RNF146: variants seen among roughly 807,000 people sequenced by gnomAD.
RNF146 encodes the protein E3 ubiquitin-protein ligase RNF146.
RNF146 carries 11 observed loss-of-function variants against 29.7 expected under a neutral mutation model. That is an observed-to-expected ratio of 0.37 (90% confidence interval 0.23 to 0.61). The LOEUF (loss-of-function observed/expected upper bound fraction) is 0.61. Among genes scored for constraint, RNF146 ranks in the 20% least tolerant of loss-of-function variants. The pLI, the probability that RNF146 is intolerant of heterozygous loss-of-function variation, is 0.66. For missense variants in RNF146, 342 were observed against 438.9 expected, an observed-to-expected ratio of 0.78 and a Z score of 1.97; for synonymous variants, 150 against 159.7, an observed-to-expected ratio of 0.94 and a Z score of 0.46.
intron 1 of RNF146, among the ~76,000 whole-genome samples, chr6:127,277,504 G>T (rs1438578857): frequency 6.6e-6 from 1 of 151,970 alleles, no homozygotes; most frequent in Non-Finnish European, 1.5e-5. Flanking sequence ...ATATATATGA[G>T]TTTATTAAGT....
chr6:127,276,639 G>A (rs1160437308), intron 1 of RNF146, among the ~76,000 whole-genome samples: 2 of 152,012 alleles, frequency 1.3e-5, no homozygotes, highest in Non-Finnish European at 2.9e-5. Flanking sequence ...AGAGATGGTA[G>A]GTCCCCATGA....
chr6:127,272,337 G>A (rs1385400122), intron 1 of RNF146, among the ~76,000 whole-genome samples: 1 of 152,180 alleles, frequency 6.6e-6, no homozygotes, highest in East Asian at 1.9e-4. Context: ...AGTGCTGATA[G>A]TACTAGTTGG....
intron 1 of RNF146, among the ~76,000 whole-genome samples, chr6:127,279,687 T>C (rs2114479145): frequency 6.6e-6 from 1 of 151,992 alleles, no homozygotes; most frequent in East Asian, 1.9e-4. Flanking sequence ...GGTAGTATTG[T>C]CATTTTAATA....
intron 1 of RNF146, among the ~76,000 whole-genome samples, chr6:127,272,004 A>G (rs1777567676): frequency 6.6e-6 from 1 of 152,182 alleles, no homozygotes; most frequent in Non-Finnish European, 1.5e-5. Context: ...CGTGGCTTGC[A>G]TCATATTTCT....
At chr6:127,283,457 C>T (rs539389762) in intron 2 of RNF146, among the ~76,000 whole-genome samples, 54 of 151,852 alleles carry the variant, frequency 3.6e-4, no homozygotes, top group Non-Finnish European at 5.5e-4. Flanking sequence ...TTCTTATTTA[C>T]ATATTGGTAT....
chr6:127,286,164 ACT>A lies in RNF146; in HGVS notation c.3-449_3-448del. 1 of 1,230,726 alleles carries A rather than the reference ACT, an allele frequency of 8.1e-7. No individual in the cohort carries two copies. The highest frequency in any genetic ancestry group is 3.2e-5 in the East Asian group (1 of 31,578). The allele number at this position is 1,230,726 out of a possible 1,614,324, so 76.2% of individuals were successfully genotyped here. A position where few individuals can be genotyped will look rare whatever the true frequency, so the allele number is the denominator to read the frequency against. ...GTCCATTTTTACCTGAGCTTTGTAA[ACT>A]CTGATTTGCAGGTAAGGAAATTTAG... On this transcript the variant is annotated intron_variant, in intron 2 of 2. Coordinates refer to ENST00000368314, the MANE Select transcript of RNF146 (RefSeq NM_001242850.2). The surrounding 1 kb of genome is among the most constrained non-coding windows in gnomAD (Gnocchi z 4.6).
At chr6:127,273,898 TAACTG>T (rs1424183053) in intron 1 of RNF146, among the ~76,000 whole-genome samples, 8 of 152,134 alleles carry the variant, frequency 5.3e-5, no homozygotes, top group Non-Finnish European at 8.8e-5. Context: ...CTGCTGAACA[TAACTG>T]GACTAGAGGA....
rs751849804 is a variant in RNF146, at chr6:127,288,520, T to C, written c.*827T>C. 5 of 166,836 alleles carry C rather than the reference T, an allele frequency of 3.0e-5. No homozygotes were observed. Among genetic ancestry groups the C allele is most frequent in the Non-Finnish European group, 5.9e-5 (4 of 68,030 alleles). The allele number at this position is 166,836 out of a possible 1,614,324, so 10.3% of individuals were successfully genotyped here. Reference sequence around the variant, plus strand: ...TTTCTTAGAGATTATTTAAACAGAATCTATAGGCAGTGTGTATATAATAAA... The same window carrying C: ...TTTCTTAGAGATTATTTAAACAGAACCTATAGGCAGTGTGTATATAATAAA... On this transcript the variant is annotated 3_prime_UTR_variant, in exon 3 of 3. Coordinates refer to ENST00000368314, the MANE Select transcript of RNF146 (RefSeq NM_001242850.2).
At chr6:127,267,556 A>G (rs1451059625) in intron 1 of RNF146, among the ~76,000 whole-genome samples, 1 of 151,564 alleles carries the variant, frequency 6.6e-6, no homozygotes, top group Admixed American at 6.6e-5. Context: ...CTTTTCCCGG[A>G]GTGTCTCTGG....
In RNF146 at chr6:127,280,353, T is replaced by A. The variant is rs972229028; in HGVS notation, c.2+13T>A. The A allele has an allele frequency of 1.3e-6, 2 of 1,546,990 alleles. No homozygotes were observed. Among genetic ancestry groups the A allele is most frequent in the Admixed American group, 2.0e-5 (1 of 50,894 alleles). On this transcript the variant is annotated intron_variant, in intron 2 of 2. Transcript: ENST00000368314. ...CTGTAATAGAAATGTAAGTGTAGCA[T>A]CATGGTTTTTTTCAGTGCTGCAGTA...
chr6:127,284,454 T>C (rs1779266618), intron 2 of RNF146, among the ~76,000 whole-genome samples: 1 of 151,824 alleles, frequency 6.6e-6, no homozygotes, highest in Admixed American at 6.6e-5. Flanking sequence ...CACTTTCTTG[T>C]TTTCTTTTTC....
chr6:127,287,634 G>T lies in RNF146; in HGVS notation c.1021G>T (p.Val341Leu). 6.2e-7 allele frequency: 1 copy of T among 1,610,608 alleles called. No individual in the cohort carries two copies. Among genetic ancestry groups the T allele is most frequent in the Non-Finnish European group, 8.5e-7 (1 of 1,177,812 alleles). ...TDRSVAGGGT[V>L]SVSVRSRRPD... ...TCGATCAGTAGCAGGGGGTGGAACAGTGAGTGTCAGTGTCAGATCTAGAAG... is the reference window on the plus strand; with the variant it reads ...TCGATCAGTAGCAGGGGGTGGAACATTGAGTGTCAGTGTCAGATCTAGAAG... The change falls in exon 3 of 3, where the codon GTG (valine) becomes TTG (leucine). Residue 341 changes from valine to leucine, a missense_variant. By Grantham distance (32) the Val-to-Leu change is conservative. Coordinates refer to ENST00000368314, the MANE Select transcript of RNF146 (RefSeq NM_001242850.2).
At chr6:127,283,080 A>G (rs1779108841) in intron 2 of RNF146, among the ~76,000 whole-genome samples, 1 of 151,886 alleles carries the variant, frequency 6.6e-6, no homozygotes. Context: ...GATTTCCACT[A>G]ACTCTGCCCA....
rs1376804058 is a variant in RNF146 at position 127,286,766 on chromosome 6, C to G, written c.153C>G (p.Pro51=). 1 of 1,613,226 alleles carries G rather than the reference C, an allele frequency of 6.2e-7. No individual in the cohort carries two copies. The highest frequency in any genetic ancestry group is 8.5e-7 in the Non-Finnish European group (1 of 1,179,598). The change falls in exon 3 of 3, where the codon CCC becomes CCG. Residue 51 remains proline (P), a synonymous_variant. Transcript: ENST00000368314. This position sits in a 1 kb window ranked among gnomAD's most constrained non-coding sequence, Gnocchi z 4.6. ...LQTCVHPVSL[P]CKHVFCYLCV... ...CATGTGTTCATCCAGTCAGTCTGCC[C>G]TGTAAGCACGTTTTCTGCTATCTAT...
chr6:127,269,528 G>A (rs1777157013), intron 1 of RNF146, among the ~76,000 whole-genome samples: 1 of 152,170 alleles, frequency 6.6e-6, no homozygotes, highest in African/African-American at 2.4e-5. Flanking sequence ...GATTGTGAAG[G>A]CAGTAAGTAG....
chr6:127,268,229 C>G (rs1776943943), intron 1 of RNF146, among the ~76,000 whole-genome samples: 1 of 152,148 alleles, frequency 6.6e-6, no homozygotes, highest in Non-Finnish European at 1.5e-5. Flanking sequence ...GTGTACTTTT[C>G]AAATGGGATG....
Position 127,287,402 on chromosome 6 carries a change from G to A in RNF146, c.789G>A (p.Arg263=). The A allele has an allele frequency of 6.2e-7, 1 of 1,613,450 alleles. No homozygotes were observed. The highest frequency in any genetic ancestry group is 1.1e-5 in the South Asian group (1 of 91,070). Residue 263 remains arginine (R), a synonymous_variant, in exon 3 of 3, where the codon AGG becomes AGA. Coordinates refer to ENST00000368314, the MANE Select transcript of RNF146 (RefSeq NM_001242850.2). ...SGDNTAERSH[R]GEGEEDHESP... Reference sequence around the variant, plus strand: ...ACAACACAGCTGAAAGGAGTCATAGGGGAGAAGGAGAAGAAGATCATGAAT... The same window carrying A: ...ACAACACAGCTGAAAGGAGTCATAGAGGAGAAGGAGAAGAAGATCATGAAT...
At position 127,280,255 on chromosome 6, in the gene RNF146, A is replaced by C; in HGVS notation, c.-84A>C. The C allele has an allele frequency of 7.3e-7, 1 of 1,366,130 alleles. No homozygotes were observed. The highest frequency in any genetic ancestry group is 1.0e-6 in the Non-Finnish European group (1 of 982,438). The allele number at this position is 1,366,130 out of a possible 1,614,324, so 84.6% of individuals were successfully genotyped here. A position where few individuals can be genotyped will look rare whatever the true frequency, so the allele number is the denominator to read the frequency against. ...GCACAAAGAATGAACCAGCAGTGGA[A>C]GAGAAAATACTGTAAGCTGGCTGAC... On this transcript the variant is annotated 5_prime_UTR_variant, in exon 2 of 3. Coordinates refer to ENST00000368314, the MANE Select transcript of RNF146 (RefSeq NM_001242850.2).
chr6:127,277,678 T>C (rs542014293), intron 1 of RNF146, among the ~76,000 whole-genome samples: 1 of 152,064 alleles, frequency 6.6e-6, no homozygotes, highest in South Asian at 2.1e-4. Context: ...CATCTTTCTT[T>C]TTCACATTTT....
Sources: gnomAD v4.1 joint callset for allele counts (sites outside exome capture counted in the v4.1 genomes callset) on GRCh38, gnomAD v4.1.1 for gene constraint, Gnocchi (gnomAD v3.1) non-coding constraint, MANE v1.5 for transcripts, NCBI Gene and HGNC (gene_info 2026-07-23, HGNC 2026-07-21) for gene names.